Variants in NUBPL observed in about 807,000 individuals in gnomAD.
The protein encoded by NUBPL is iron-sulfur cluster transfer protein NUBPL.
NUBPL carries 31 observed loss-of-function variants against 45.7 expected under a neutral mutation model. That is an observed-to-expected ratio of 0.68 (90% CI 0.51 to 0.92). The LOEUF is 0.92. Among genes scored for constraint, NUBPL ranks in the 40% least tolerant of loss-of-function variants. The probability of loss-of-function intolerance (pLI) is 0.00; values close to 1 mark genes in which losing one functional copy is unlikely to be tolerated. For synonymous variants in NUBPL, 144 were observed against 140.9 expected (o/e 1.02, Z -0.15); for missense variants, 401 against 398.7 (o/e 1.01, Z -0.05).
chr14:31,833,641 C>G (rs1595692128), intron 8 of NUBPL, among the ~76,000 whole-genome samples: 1 of 152,132 alleles, frequency 6.6e-6, no homozygotes, highest in Admixed American at 6.6e-5. Flanking sequence ...AGTAGATGAA[C>G]AGGTGAGCAG....
intron 6 of NUBPL, among the ~76,000 whole-genome samples, chr14:31,678,198 G>A (rs1258352075): frequency 6.6e-6 from 1 of 152,176 alleles, no homozygotes; most frequent in Non-Finnish European, 1.5e-5. Context: ...ACTCTTCAGG[G>A]CAGTGGGCTC....
At chr14:31,624,117 T>G (rs1197829484) in intron 4 of NUBPL, among the ~76,000 whole-genome samples, 2 of 152,160 alleles carry the variant, frequency 1.3e-5, no homozygotes, top group Non-Finnish European at 2.9e-5. Flanking sequence ...AGTCCTGATT[T>G]AAGTCTGAAG....
At chr14:31,831,112 C>T (rs544215791) in intron 8 of NUBPL, among the ~76,000 whole-genome samples, 105 of 151,218 alleles carry the variant, frequency 6.9e-4, no homozygotes, top group African/African-American at 2.4e-3. Flanking sequence ...GGTGTGATCT[C>T]GGCTCACTGC....
intron 7 of NUBPL, among the ~76,000 whole-genome samples, chr14:31,820,504 A>C (rs1039323091): frequency 6.6e-6 from 1 of 152,180 alleles, no homozygotes; most frequent in African/African-American, 2.4e-5. Context: ...AGTAACAAGA[A>C]TAAATTGACA....
At chr14:31,745,496 G>T (rs150225564) in intron 6 of NUBPL, among the ~76,000 whole-genome samples, 1 of 152,012 alleles carries the variant, frequency 6.6e-6, no homozygotes, top group Non-Finnish European at 1.5e-5. Flanking sequence ...GGGTTTCACC[G>T]TGCTAGCCAG....
At chr14:31,644,350 T>G (rs1395552211) in intron 4 of NUBPL, among the ~76,000 whole-genome samples, 1 of 152,174 alleles carries the variant, frequency 6.6e-6, no homozygotes, top group African/African-American at 2.4e-5. Context: ...ATGCTGTATT[T>G]TCCATTTTCA....
At chr14:31,612,687 GAAAAA>G (rs936629796) in intron 4 of NUBPL, among the ~76,000 whole-genome samples, 1 of 146,982 alleles carries the variant, frequency 6.8e-6, no homozygotes, top group Non-Finnish European at 1.5e-5. Context: ...GAAAAGAAAA[GAAAAA>G]AAAAGGTGCT....
intron 3 of NUBPL, among the ~76,000 whole-genome samples, chr14:31,576,841 C>G (rs578123854): frequency 6.6e-6 from 1 of 152,292 alleles, no homozygotes; most frequent in South Asian, 2.1e-4. Context: ...GGTAGCTGCC[C>G]TGAAATGACA....
intron 4 of NUBPL, among the ~76,000 whole-genome samples, chr14:31,629,341 T>C (rs1182666415): frequency 6.6e-6 from 1 of 152,206 alleles, no homozygotes; most frequent in Non-Finnish European, 1.5e-5. Context: ...TGTCAGGAAA[T>C]ACCTTATTAG....
intron 4 of NUBPL, among the ~76,000 whole-genome samples, chr14:31,660,265 A>G (rs1326301238): frequency 6.6e-6 from 1 of 152,162 alleles, no homozygotes; most frequent in Non-Finnish European, 1.5e-5. Context: ...TCTTCTAGGT[A>G]AATAGGTAGA....
chr14:31,646,479 C>T (rs139735474), intron 4 of NUBPL, among the ~76,000 whole-genome samples: 4 of 152,314 alleles, frequency 2.6e-5, no homozygotes, highest in South Asian at 2.1e-4. Flanking sequence ...TGAGCCACCA[C>T]GCTTGGCCAT....
In NUBPL at chr14:31,577,924, A is replaced by T. The variant is rs2033758206; in HGVS notation, c.291+12876A>T. ...TCCTCCTCTATTGGTTCATATGTTT[A>T]TCTCATGCCATTAGAGTGACCATGA... On this transcript the variant is annotated intron_variant, in intron 3 of 10. Coordinates refer to ENST00000281081, the MANE Select transcript of NUBPL (RefSeq NM_025152.3). 2.7e-5 allele frequency: 35 copies of T among 1,282,726 alleles called. No homozygotes were observed. In the South Asian group the frequency reaches 4.3e-4, roughly 16 times the overall value. The allele number at this position is 1,282,726 out of a possible 1,614,324, so 79.5% of individuals were successfully genotyped here. A position where few individuals can be genotyped will look rare whatever the true frequency, so the allele number is the denominator to read the frequency against.
intron 10 of NUBPL, among the ~76,000 whole-genome samples, chr14:31,857,086 C>A (rs902857057): frequency 7.2e-5 from 11 of 152,222 alleles, no homozygotes; most frequent in Non-Finnish European, 1.5e-4. Flanking sequence ...GCCTGGGCAT[C>A]CAGGTATTTC....
intron 4 of NUBPL, among the ~76,000 whole-genome samples, chr14:31,625,580 AT>A (rs1333526053): frequency 2.7e-5 from 4 of 149,142 alleles, no homozygotes; most frequent in African/African-American, 5.0e-5. Context: ...GGCTCTAGTG[AT>A]TCTCCTGCCT....
Position 31,709,077 on chromosome 14 carries a change from G to A in NUBPL, c.513+35503G>A, listed in dbSNP as rs183984503. ...TTTTCCTTTTGGGCCTGTTCCTCTT[G>A]GTCCCTGTTATAGAATACTGAGGTT... is the stretch of plus-strand genomic sequence containing the variant. On this transcript the variant is annotated intron_variant, in intron 6 of 10. Transcript: ENST00000281081. Among the ~76,000 whole-genome samples, 18 of 152,168 alleles carry A rather than the reference G, an allele frequency of 1.2e-4. No homozygotes were observed. The East Asian group carries it at 2.1e-3, about 18-fold the overall frequency.
chr14:31,724,720 A>T (rs1397384023), intron 6 of NUBPL, among the ~76,000 whole-genome samples: 1 of 152,226 alleles, frequency 6.6e-6, no homozygotes, highest in Non-Finnish European at 1.5e-5. Context: ...CTGGAGATAC[A>T]GTGATGAAAC....
intron 3 of NUBPL, among the ~76,000 whole-genome samples, chr14:31,582,925 G>A (rs140753473): frequency 2.0e-5 from 3 of 152,320 alleles, no homozygotes; most frequent in African/African-American, 2.4e-5. Context: ...GGAAATTAAA[G>A]TCAGGAAAGA....
chr14:31,735,527 A>G (rs562308987), intron 6 of NUBPL, among the ~76,000 whole-genome samples: 1 of 152,254 alleles, frequency 6.6e-6, no homozygotes, highest in Admixed American at 6.5e-5. Flanking sequence ...CGTTTTATTA[A>G]TCAGGGTGAA....
At chr14:31,578,846 A>G (rs2033788108) in intron 3 of NUBPL, among the ~76,000 whole-genome samples, 1 of 152,194 alleles carries the variant, frequency 6.6e-6, no homozygotes, top group Non-Finnish European at 1.5e-5. Context: ...CCTATTTTTC[A>G]GTTGAGTTGG....
Sources: gnomAD v4.1 joint callset for allele counts (sites outside exome capture counted in the v4.1 genomes callset) on GRCh38, gnomAD v4.1.1 for gene constraint, MANE v1.5 for transcripts, NCBI Gene and HGNC (gene_info 2026-07-23, HGNC 2026-07-21) for gene names.